The following DCAF8L2 variants were observed in gnomAD, a reference collection of about 807,000 sequenced individuals.
DCAF8L2 encodes DDB1 and CUL4 associated factor 8 like 2.
For synonymous variants in DCAF8L2, 200 were observed against 190.9 expected (o/e 1.05, Z -0.39); for missense variants, 430 against 490.7 (o/e 0.88, Z 1.17).
intron 3 of DCAF8L2, among the ~76,000 whole-genome samples, chrX:27,690,944 C>T (rs913422016): frequency 1.4e-4 from 16 of 111,704 alleles, no homozygotes; most frequent in Admixed American, 1.2e-3. Context: ...AGGCTCATGT[C>T]TATTAATATT....
At chrX:27,630,813 T>G (rs1928255104) in intron 1 of DCAF8L2, among the ~76,000 whole-genome samples, 1 of 112,324 alleles carries the variant, frequency 8.9e-6, no homozygotes, top group Non-Finnish European at 1.9e-5. Flanking sequence ...CAGCAGATTC[T>G]ATGTCTGGTG....
At chrX:27,483,937 A>G in the DCAF8L2 span, among the ~76,000 whole-genome samples, 1 of 111,595 alleles carries the variant, frequency 9.0e-6, no homozygotes. Flanking sequence ...TACTGAGAAT[A>G]TGTTAGACTT....
the DCAF8L2 span, among the ~76,000 whole-genome samples, chrX:27,502,185 G>C: frequency 1.9e-5 from 2 of 102,924 alleles, no homozygotes; most frequent in African/African-American, 7.0e-5. Flanking sequence ...GCCTGGCGTG[G>C]TGGCAGGCAC....
At chrX:27,532,858 T>C in the DCAF8L2 span, among the ~76,000 whole-genome samples, 9 of 106,500 alleles carry the variant, frequency 8.5e-5, no homozygotes, top group Admixed American at 2.1e-4. Flanking sequence ...GGAGGATCAC[T>C]TGAGGTCAGG....
At chrX:27,692,902 T>C in intron 3 of DCAF8L2, among the ~76,000 whole-genome samples, 1 of 111,190 alleles carries the variant, frequency 9.0e-6, no homozygotes, top group Non-Finnish European at 1.9e-5. Context: ...CAGAGCTATA[T>C]GGCCCCAAAT....
chrX:27,746,514 G>A lies in DCAF8L2; in HGVS notation c.-58-324G>A, dbSNP rs767461325. The stretch of plus-strand genomic sequence containing the variant: ...GCTTCTAAAAACTATTTTGCTTAAG[G>A]AGGATCACTTTTGCTCATGGTTCTC... On this transcript the variant is annotated intron_variant, in intron 4 of 4. Transcript: ENST00000451261. Among the ~76,000 whole-genome samples, 3 of 111,696 alleles carry A rather than the reference G, an allele frequency of 2.7e-5. No individual in the cohort carries two copies. The South Asian group carries it at 1.1e-3, about 42-fold the overall frequency.
chrX:27,656,980 G>A (rs183952941), intron 2 of DCAF8L2, among the ~76,000 whole-genome samples: 219 of 110,569 alleles, frequency 2.0e-3, no homozygotes, highest in Middle Eastern at 0.014. Context: ...CAGTGGGCTG[G>A]GAAAGGCAGA....
Position 27,748,509 on chromosome X carries a change from G to T in DCAF8L2, c.1614G>T (p.Lys538Asn), listed in dbSNP as rs775249498. Reference protein sequence around the residue: ...LACSGLDHDVKIWTPTAKAAT... With the variant: ...LACSGLDHDVNIWTPTAKAAT... The stretch of plus-strand genomic sequence containing the variant: ...GCAGTGGCCTAGATCATGATGTCAA[G>T]ATCTGGACACCCACAGCTAAAGCTG... Residue 538 changes from lysine (K) to asparagine (N), a missense_variant, in exon 5 of 5, where the codon AAG (lysine) becomes AAT (asparagine). Coordinates refer to ENST00000451261, the MANE Select transcript of DCAF8L2 (RefSeq NM_001353450.2). The T allele has an allele frequency of 1.1e-5, 13 of 1,209,633 alleles. No individual in the cohort carries two copies. Among genetic ancestry groups the T allele is most frequent in the Non-Finnish European group, 1.2e-5 (11 of 894,960 alleles).
the DCAF8L2 span, among the ~76,000 whole-genome samples, chrX:27,540,721 G>T: frequency 9.0e-6 from 1 of 111,475 alleles, no homozygotes; most frequent in Non-Finnish European, 1.9e-5. Flanking sequence ...AGTGGATTTT[G>T]AATGTTCTCA....
Position 27,747,282 on chromosome X carries a change from AGAGGAGGAGGAGGAGGAGGAGGAGGAG to A in DCAF8L2, c.408_434del (p.Glu139_Glu147del), listed in dbSNP as rs745536197. The A allele has an allele frequency of 4.3e-6, 4 of 939,289 alleles. No homozygotes were observed. Among genetic ancestry groups the A allele is most frequent in the African/African-American group, 2.6e-5 (1 of 38,526 alleles). The allele number at this position is 939,289 out of a possible 1,213,427, so 77.4% of individuals were successfully genotyped here. A position where few individuals can be genotyped will look rare whatever the true frequency, so the allele number is the denominator to read the frequency against. ...AAGAGGAGGGAGGGGAGGAGGAGGA[AGAGGAGGAGGAGGAGGAGGAGGAGGAG>A]GAGGAGGAGGAGGAGGAGGAAGAAG... On this transcript the variant is annotated inframe_deletion, in exon 5 of 5. Transcript: ENST00000451261.
At chrX:27,666,112 T>C (rs1327723695) in intron 2 of DCAF8L2, among the ~76,000 whole-genome samples, 2 of 111,948 alleles carry the variant, frequency 1.8e-5, no homozygotes, top group Non-Finnish European at 3.8e-5. Flanking sequence ...AATAATTATA[T>C]TTTTTGTGTT....
intron 3 of DCAF8L2, among the ~76,000 whole-genome samples, chrX:27,693,952 A>G (rs774984466): frequency 5.4e-5 from 6 of 112,105 alleles, no homozygotes; most frequent in Non-Finnish European, 3.8e-5. Context: ...AAGACATGGA[A>G]TCAACCTAGA....
chrX:27,748,210 G>A lies in DCAF8L2; in HGVS notation c.1315G>A (p.Ala439Thr). The change falls in exon 5 of 5, where the codon GCC becomes ACC. Residue 439 changes from alanine (A) to threonine (T), a missense_variant. Transcript: ENST00000451261. ...VYSHDGTELL[A>T]SYNDDDIYLF... is the part of the protein sequence containing the mutation. Reference sequence around the variant, plus strand: ...CAGCCACGATGGCACAGAGCTGCTAGCCAGCTACAATGATGACGATATTTA... The same window carrying A: ...CAGCCACGATGGCACAGAGCTGCTAACCAGCTACAATGATGACGATATTTA... The A allele has an allele frequency of 8.3e-7, 1 of 1,212,033 alleles. No individual in the cohort carries two copies. The highest frequency in any genetic ancestry group is 1.1e-6 in the Non-Finnish European group (1 of 895,552).
At chrX:27,542,932 T>C in the DCAF8L2 span, among the ~76,000 whole-genome samples, 1 of 111,986 alleles carries the variant, frequency 8.9e-6, no homozygotes, top group Non-Finnish European at 1.9e-5. Context: ...CTATTCTGTA[T>C]GTCTTCTGTC....
the DCAF8L2 span, among the ~76,000 whole-genome samples, chrX:27,514,225 A>G: frequency 3.7e-5 from 4 of 108,685 alleles, no homozygotes; most frequent in East Asian, 8.7e-4. Context: ...CTATGTACCT[A>G]TATGTGTGCA....
chrX:27,611,795 A>C (rs1927195878), intron 1 of DCAF8L2, among the ~76,000 whole-genome samples: 1 of 111,208 alleles, frequency 9.0e-6, no homozygotes, highest in Admixed American at 9.6e-5. Flanking sequence ...ATGGCTGCAT[A>C]GTATTCCATG....
intron 4 of DCAF8L2, among the ~76,000 whole-genome samples, chrX:27,718,879 T>C (rs933706193): frequency 2.7e-5 from 3 of 111,709 alleles, no homozygotes; most frequent in African/African-American, 9.8e-5. Flanking sequence ...TCTTGCTAAC[T>C]GCAGGTCTTG....
the DCAF8L2 span, among the ~76,000 whole-genome samples, chrX:27,577,639 A>G: frequency 8.9e-6 from 1 of 111,752 alleles, no homozygotes; most frequent in Admixed American, 9.6e-5. Flanking sequence ...CATGATCTTA[A>G]TCTAGAAAAC....
At chrX:27,704,224 G>A (rs1391195652) in intron 3 of DCAF8L2, among the ~76,000 whole-genome samples, 3 of 86,113 alleles carry the variant, frequency 3.5e-5, no homozygotes, top group African/African-American at 1.7e-4. Context: ...GCGCGCACAT[G>A]TGCGTGTACA....
Sources: gnomAD v4.1 joint callset for allele counts (sites outside exome capture counted in the v4.1 genomes callset) on GRCh38, gnomAD v4.1.1 for gene constraint, MANE v1.5 for transcripts, NCBI Gene and HGNC (gene_info 2026-07-23, HGNC 2026-07-21) for gene names.